Variants in RAB5C observed in about 807,000 individuals in gnomAD.
The protein encoded by RAB5C is ras-related protein Rab-5C.
A neutral mutation model predicts 25.2 loss-of-function variants in RAB5C; 4 were observed. The ratio of observed to expected loss-of-function variants is 0.16; its 90% confidence interval spans 0.08 to 0.36. The LOEUF is 0.36. RAB5C is among the 10% of genes least tolerant of loss of function. The pLI is 1.00. For synonymous variants in RAB5C, 100 were observed against 106.4 expected, an observed-to-expected ratio of 0.94 and a Z score of 0.37; for missense variants, 199 against 283.8, an observed-to-expected ratio of 0.70 and a Z score of 2.15.
chr17:42,132,045 AG>A (rs1417810240), intron 1 of RAB5C, among the ~76,000 whole-genome samples: 1 of 152,226 alleles, frequency 6.6e-6, no homozygotes, highest in Non-Finnish European at 1.5e-5. Context: ...CCCCTGAGCA[AG>A]GGAAGTACAT....
chr17:42,144,511 T>C (rs957274274), intron 1 of RAB5C, among the ~76,000 whole-genome samples: 7 of 149,256 alleles, frequency 4.7e-5, no homozygotes, highest in South Asian at 4.3e-4. Flanking sequence ...AAGTCTCTCA[T>C]ATAGAAGAAT....
In RAB5C at chr17:42,125,266, G is replaced by C. The variant is rs1375558730; in HGVS notation, c.*517C>G. On this transcript the variant is annotated 3_prime_UTR_variant, in exon 6 of 6. Coordinates refer to ENST00000346213, the MANE Select transcript of RAB5C (RefSeq NM_004583.4). ...GCAGGGAGGTGGGAGCGGGGAGGGG[G>C]CTGCAGCCTGATGAGAGCCAGCTGA... 1 of 153,344 alleles carries C rather than the reference G, an allele frequency of 6.5e-6. No homozygotes were observed. Among genetic ancestry groups the C allele is most frequent in the Non-Finnish European group, 1.5e-5 (1 of 68,584 alleles). 9.5% of individuals were successfully genotyped at this position (153,344 alleles called of 1,614,324 possible).
rs930695936 is a variant in RAB5C, at chr17:42,126,948, A to C, written c.442-100T>G. ...ACCTTCCTTATTCGAGCACCTTATC[A>C]TAATAGAGATCAGCTGGACACACAC... is the stretch of plus-strand genomic sequence containing the variant. On this transcript the variant is annotated intron_variant, in intron 4 of 5. Transcript: ENST00000346213. 3 of 703,406 alleles carry C rather than the reference A, an allele frequency of 4.3e-6. No individual in the cohort carries two copies. In the African/African-American group the frequency reaches 5.3e-5, roughly 12 times the overall value. 43.6% of individuals were successfully genotyped at this position (703,406 alleles called of 1,614,324 possible). A position where few individuals can be genotyped will look rare whatever the true frequency, so the allele number is the denominator to read the frequency against.
chr17:42,142,265 G>A (rs537571253), intron 1 of RAB5C, among the ~76,000 whole-genome samples: 1 of 151,410 alleles, frequency 6.6e-6, no homozygotes, highest in Non-Finnish European at 1.5e-5. Context: ...AAACTCCTGC[G>A]CTCAAGCAAT....
intron 1 of RAB5C, among the ~76,000 whole-genome samples, chr17:42,146,295 T>C (rs767694210): frequency 6.6e-6 from 1 of 152,358 alleles, no homozygotes; most frequent in Non-Finnish European, 1.5e-5. Context: ...GGATGGACTT[T>C]AATGTAAAAT....
intron 5 of RAB5C, 29 bp from the exon 6 acceptor site, chr17:42,125,927 T>C (rs371696994): frequency 1.3e-4 from 202 of 1,530,660 alleles, no homozygotes; most frequent in Non-Finnish European, 1.8e-4. Context: ...AGTGCATTTG[T>C]TGGGGGTACC....
intron 3 of RAB5C, 94 bp downstream of exon 3, chr17:42,128,555 G>GT: frequency 7.5e-7 from 1 of 1,337,082 alleles, no homozygotes; most frequent in Non-Finnish European, 9.9e-7. Flanking sequence ...CAGGAACAGA[G>GT]GGTTAAGCGG....
chr17:42,149,498 C>T (rs142499808), intron 1 of RAB5C, among the ~76,000 whole-genome samples: 1,687 of 152,196 alleles, frequency 0.011, 15 homozygotes, highest in South Asian at 0.02. Context: ...GGGAGGATCA[C>T]TTGGGTCCAC....
At chr17:42,144,777 A>G (rs557025768) in intron 1 of RAB5C, among the ~76,000 whole-genome samples, 1 of 151,498 alleles carries the variant, frequency 6.6e-6, no homozygotes, top group Admixed American at 6.6e-5. Flanking sequence ...AAATACAAAA[A>G]TTAGCTGGGC....
At chr17:42,141,099 G>C (rs887818022) in intron 1 of RAB5C, among the ~76,000 whole-genome samples, 3 of 152,208 alleles carry the variant, frequency 2.0e-5, no homozygotes, top group Admixed American at 6.5e-5. Context: ...AAAGTGCTGC[G>C]ATTACAGGCA....
intron 1 of RAB5C, among the ~76,000 whole-genome samples, chr17:42,132,317 A>G (rs2054493883): frequency 1.3e-5 from 2 of 152,264 alleles, no homozygotes; most frequent in Admixed American, 6.5e-5. Context: ...CTTCCCCAAA[A>G]GTACAAGGAA....
intron 1 of RAB5C, among the ~76,000 whole-genome samples, chr17:42,142,341 G>GCA (rs2079608382): frequency 6.6e-6 from 1 of 152,026 alleles, no homozygotes; most frequent in African/African-American, 2.4e-5. Context: ...AGCCCACAAA[G>GCA]CATCTTAAAG....
chr17:42,143,748 G>C (rs914149344), intron 1 of RAB5C, among the ~76,000 whole-genome samples: 7 of 152,192 alleles, frequency 4.6e-5, no homozygotes, highest in Non-Finnish European at 7.3e-5. Flanking sequence ...GGGCAAAGCT[G>C]AAACATTTTG....
chr17:42,143,142 T>A (rs1219983973), intron 1 of RAB5C, among the ~76,000 whole-genome samples: 1 of 152,152 alleles, frequency 6.6e-6, no homozygotes, highest in East Asian at 1.9e-4. Flanking sequence ...TGCAGTTGAT[T>A]CTCAGGGGGT....
At chr17:42,128,918 AC>A in intron 2 of RAB5C, 118 bp from the exon 3 acceptor site, 1 of 1,003,820 alleles carries the variant, frequency 1.0e-6, no homozygotes. Flanking sequence ...GGCACAGAGA[AC>A]CCTCAAGCCA....
At chr17:42,148,884 T>A (rs1296281144) in intron 1 of RAB5C, among the ~76,000 whole-genome samples, 4 of 152,162 alleles carry the variant, frequency 2.6e-5, no homozygotes, top group Non-Finnish European at 4.4e-5. Context: ...TCCCCCACTC[T>A]AACATGGGGA....
intron 1 of RAB5C, among the ~76,000 whole-genome samples, chr17:42,151,324 C>G (rs1291129950): frequency 6.6e-6 from 1 of 152,022 alleles, no homozygotes; most frequent in African/African-American, 2.4e-5. Context: ...GTAGTCCCAA[C>G]TACTCTGGAG....
intron 1 of RAB5C, 142 bp from the exon 2 acceptor site, chr17:42,130,732 A>C: frequency 9.6e-7 from 1 of 1,046,794 alleles, no homozygotes; most frequent in Non-Finnish European, 1.3e-6. Context: ...TGCCCTCCCC[A>C]CTAGAGGTCA....
At chr17:42,130,671 C>T (rs1229093681) in intron 1 of RAB5C, 81 bp from the exon 2 acceptor site, 1 of 1,439,118 alleles carries the variant, frequency 6.9e-7, no homozygotes, top group Non-Finnish European at 9.1e-7. Context: ...AGATCTTTCC[C>T]TCTGGCCTCA....
Sources: gnomAD v4.1 joint callset for allele counts (sites outside exome capture counted in the v4.1 genomes callset) on GRCh38, gnomAD v4.1.1 for gene constraint, MANE v1.5 for transcripts, NCBI Gene and HGNC (gene_info 2026-07-23, HGNC 2026-07-21) for gene names.